The following BMP7 variants were observed in gnomAD, a reference collection of about 807,000 sequenced individuals.
BMP7 encodes the protein osteogenic protein 1.
BMP7 carries 12 observed loss-of-function variants against 41.2 expected under a neutral mutation model. The ratio of observed to expected loss-of-function variants is 0.29; its 90% confidence interval spans 0.19 to 0.47. The LOEUF is 0.47. BMP7 is among the 20% of genes least tolerant of loss of function. The probability of loss-of-function intolerance (pLI) is 0.99; values close to 1 mark genes in which losing one functional copy is unlikely to be tolerated. For missense variants in BMP7, 467 were observed against 606.0 expected (o/e 0.77, Z 2.41); for synonymous variants, 248 against 250.0 (o/e 0.99, Z 0.07).
Position 57,214,117 on chromosome 20 carries a change from C to T in BMP7, c.612-11494G>A, listed in dbSNP as rs900605155. 3.3e-5 allele frequency among the ~76,000 whole-genome samples: 5 copies of T among 152,234 alleles called. No homozygotes were observed. The highest frequency in any genetic ancestry group is 2.1e-4 in the South Asian group (1 of 4,810). On this transcript the variant is annotated intron_variant, in intron 2 of 6. Coordinates refer to ENST00000395863, the MANE Select transcript of BMP7 (RefSeq NM_001719.3). This position sits in a 1 kb window ranked among gnomAD's most constrained non-coding sequence, Gnocchi z 4.0. ...TCTGAACCGTATGGTACCTGAGAGG[C>T]GAGCACTGTTGTCCCCTCTCACAGG...
chr20:57,244,778 A>G (rs2066083189), intron 1 of BMP7, among the ~76,000 whole-genome samples: 1 of 152,198 alleles, frequency 6.6e-6, no homozygotes, highest in African/African-American at 2.4e-5. Context: ...GGGGAAGTGA[A>G]GCTGCCGTCC....
chr20:57,202,609 A>G lies in BMP7; in HGVS notation c.626T>C (p.Phe209Ser). ...QEHLGRESDLFLLDSRTLWAS... is the reference protein window; with the variant it reads ...QEHLGRESDLSLLDSRTLWAS... ...CCAGAGGGTACGGCTGTCGAGCAGGAAGAGATCCGATTCCCTGCGAGAGAG... is the reference window on the plus strand; with the variant it reads ...CCAGAGGGTACGGCTGTCGAGCAGGGAGAGATCCGATTCCCTGCGAGAGAG... The change falls in exon 3 of 7, where the codon TTC becomes TCC. Residue 209 changes from phenylalanine (F) to serine (S), a missense_variant. Around this residue, in one of 2 missense-constraint regions of BMP7, gnomAD observed 407 missense variants for 485.9 expected, o/e 0.84. Coordinates refer to ENST00000395863, the MANE Select transcript of BMP7 (RefSeq NM_001719.3). 6.2e-7 allele frequency: 1 copy of G among 1,611,826 alleles called. No homozygotes were observed. Among genetic ancestry groups the G allele is most frequent in the Non-Finnish European group, 8.5e-7 (1 of 1,180,010 alleles).
In BMP7 at chr20:57,213,490, G is replaced by A. The variant is rs552177838; in HGVS notation, c.612-10867C>T. On this transcript the variant is annotated intron_variant, in intron 2 of 6. Coordinates refer to ENST00000395863, the MANE Select transcript of BMP7 (RefSeq NM_001719.3). This position sits in a 1 kb window ranked among gnomAD's most constrained non-coding sequence, Gnocchi z 4.4. ...CATAATGCACCTTAGCTCTTTAAAG[G>A]CTCTGAAAAGTCCTGCTGCAAAGAA... is the stretch of plus-strand genomic sequence containing the variant. 6.6e-6 allele frequency among the ~76,000 whole-genome samples: 1 copy of A among 152,168 alleles called. No homozygotes were observed. Among genetic ancestry groups the A allele is most frequent in the Non-Finnish European group, 1.5e-5 (1 of 68,032 alleles).
At chr20:57,194,049 C>T (rs1307409370) in intron 3 of BMP7, among the ~76,000 whole-genome samples, 3 of 152,208 alleles carry the variant, frequency 2.0e-5, no homozygotes, top group Non-Finnish European at 2.9e-5. Flanking sequence ...TTCCAGCATC[C>T]CCTGCAGCTC....
intron 2 of BMP7, among the ~76,000 whole-genome samples, chr20:57,218,694 G>A (rs1258447983): frequency 6.8e-6 from 1 of 147,012 alleles, no homozygotes; most frequent in African/African-American, 2.5e-5. Flanking sequence ...CTGGTGTTTG[G>A]TGGTAGCTGG....
At chr20:57,195,613 C>G (rs1201703166) in intron 3 of BMP7, among the ~76,000 whole-genome samples, 1 of 152,268 alleles carries the variant, frequency 6.6e-6, no homozygotes, top group Non-Finnish European at 1.5e-5. Flanking sequence ...CGGCATCGCT[C>G]ACCAGCCTTG....
At chr20:57,173,586 T>A in intron 5 of BMP7, 1 of 558,516 alleles carries the variant, frequency 1.8e-6, no homozygotes, top group East Asian at 3.1e-5. Context: ...TGCGGTGAGC[T>A]ATGATCACAC....
chr20:57,175,828 C>T (rs1173540260), intron 4 of BMP7, among the ~76,000 whole-genome samples: 1 of 25,192 alleles, frequency 4.0e-5, no homozygotes, highest in African/African-American at 9.0e-5. Context: ...CCAGGCTGTG[C>T]CTGTGGCCCA....
At chr20:57,183,172 T>C (rs1164217662) in intron 4 of BMP7, among the ~76,000 whole-genome samples, 1 of 152,036 alleles carries the variant, frequency 6.6e-6, no homozygotes. Context: ...GAGGCAGAAG[T>C]TGCAGTAAGC....
chr20:57,225,407 A>G (rs1985287376), intron 2 of BMP7, among the ~76,000 whole-genome samples: 1 of 152,200 alleles, frequency 6.6e-6, no homozygotes, highest in Non-Finnish European at 1.5e-5. Flanking sequence ...TGCTGTGATG[A>G]TGATGATACT....
At chr20:57,211,298 G>A (rs1984878087) in intron 2 of BMP7, among the ~76,000 whole-genome samples, 1 of 152,244 alleles carries the variant, frequency 6.6e-6, no homozygotes, top group East Asian at 1.9e-4. Context: ...CTCAGGACAC[G>A]CCTCTGCTGG....
chr20:57,227,815 T>C (rs955703923), intron 2 of BMP7, among the ~76,000 whole-genome samples: 1 of 152,112 alleles, frequency 6.6e-6, no homozygotes, highest in Admixed American at 6.5e-5. Context: ...TTGGTTTGGG[T>C]TTTTTTCTTC....
At chr20:57,197,995 C>G (rs1341496742) in intron 3 of BMP7, among the ~76,000 whole-genome samples, 2 of 152,110 alleles carry the variant, frequency 1.3e-5, no homozygotes, top group African/African-American at 4.8e-5. Context: ...TGCCTTAAGG[C>G]CACAAGGTGG....
At position 57,170,095 on chromosome 20, in the gene BMP7, C is replaced by T. The variant is rs930125443; in HGVS notation, c.*864G>A. The T allele has an allele frequency of 1.3e-5, 2 of 152,312 alleles. No individual in the cohort carries two copies. The highest frequency in any genetic ancestry group is 1.3e-4 in the Admixed American group (2 of 15,270). The allele number at this position is 152,312 out of a possible 1,614,324, so 9.4% of individuals were successfully genotyped here. A position where few individuals can be genotyped will look rare whatever the true frequency, so the allele number is the denominator to read the frequency against. The stretch of plus-strand genomic sequence containing the variant: ...TAACAACAGGGTTGAGTTGCAAGTT[C>T]CATCCTACTTGCTGTCCTTGTCCCC... On this transcript the variant is annotated 3_prime_UTR_variant, in exon 7 of 7. Transcript: ENST00000395863.
intron 4 of BMP7, among the ~76,000 whole-genome samples, chr20:57,181,109 A>T (rs148877080): frequency 5.3e-5 from 8 of 152,308 alleles, no homozygotes; most frequent in South Asian, 2.1e-4. Context: ...TTTGCACCTC[A>T]GACCTTTTTC....
At chr20:57,248,119 A>G (rs776817096) in intron 1 of BMP7, among the ~76,000 whole-genome samples, 6 of 152,216 alleles carry the variant, frequency 3.9e-5, no homozygotes, top group South Asian at 2.1e-4. Flanking sequence ...GTATATATTC[A>G]CAGTGGAACA....
rs138556343 is a variant in BMP7 at position 57,212,446 on chromosome 20, C to A, written c.612-9823G>T. ...GCAGGAGTGGAGATGACGGGCTCTGCCACTCGCAGACCCAGCTGACTCGCT... is the reference window on the plus strand; with the variant it reads ...GCAGGAGTGGAGATGACGGGCTCTGACACTCGCAGACCCAGCTGACTCGCT... On this transcript the variant is annotated intron_variant, in intron 2 of 6. Coordinates refer to ENST00000395863, the MANE Select transcript of BMP7 (RefSeq NM_001719.3). 3.3e-3 allele frequency among the ~76,000 whole-genome samples: 509 copies of A among 152,262 alleles called. 2 individuals carry two copies. The highest frequency in any genetic ancestry group is 0.011 in the African/African-American group (450 of 41,546).
intron 3 of BMP7, among the ~76,000 whole-genome samples, chr20:57,190,124 G>GCC (rs1984315200): frequency 1.3e-5 from 2 of 152,238 alleles, no homozygotes; most frequent in African/African-American, 4.8e-5. Context: ...GTTGAGACTG[G>GCC]AGATAGTGAG....
rs533285818 is a variant in BMP7, at chr20:57,263,374, C to T, written c.418+2331G>A. On this transcript the variant is annotated intron_variant, in intron 1 of 6. Transcript: ENST00000395863. ...GAAAACCACCCAGCTGTGGCCTTCC[C>T]AAACAAGTCCCAGCTTGCTCCTGCC... Among the ~76,000 whole-genome samples, 4 of 152,306 alleles carry T rather than the reference C, an allele frequency of 2.6e-5. No homozygotes were observed. In the South Asian group the frequency reaches 8.3e-4, roughly 32 times the overall value.
Sources: allele counts gnomAD v4.1 joint callset (sites outside exome capture counted in the v4.1 genomes callset), GRCh38; gene constraint gnomAD v4.1.1; regional missense constraint gnomAD v4.1.1; non-coding constraint Gnocchi (gnomAD v3.1); transcripts MANE v1.5; gene names NCBI Gene and HGNC (gene_info 2026-07-23, HGNC 2026-07-21).